TMTC2: variants seen among roughly 807,000 people sequenced by gnomAD.
The protein encoded by TMTC2 is protein O-mannosyl-transferase TMTC2.
Under a neutral mutation model 82.4 loss-of-function variants are expected in TMTC2, and 43 were observed. That is an observed-to-expected ratio of 0.52 (90% CI 0.41 to 0.67). The LOEUF (loss-of-function observed/expected upper bound fraction) is 0.67. Among genes scored for constraint, TMTC2 ranks in the 30% least tolerant of loss-of-function variants. The pLI is 0.00. For synonymous variants in TMTC2, 408 were observed against 381.9 expected, an observed-to-expected ratio of 1.07 and a Z score of -0.80; for missense variants, 919 against 1,012.4, an observed-to-expected ratio of 0.91 and a Z score of 1.25.
intron 1 of TMTC2, among the ~76,000 whole-genome samples, chr12:82,774,788 C>T (rs1159760097): frequency 6.6e-6 from 1 of 151,852 alleles, no homozygotes; most frequent in Non-Finnish European, 1.5e-5. Flanking sequence ...ACACACTTTT[C>T]TCTAAGGGCA....
At chr12:83,094,242 A>T (rs190616201) in intron 11 of TMTC2, among the ~76,000 whole-genome samples, 63 of 152,330 alleles carry the variant, frequency 4.1e-4, no homozygotes, top group Non-Finnish European at 6.5e-4. Context: ...GCCAGAGAAG[A>T]TGTCCTAGGA....
chr12:82,762,603 C>T (rs1282175578), intron 1 of TMTC2, among the ~76,000 whole-genome samples: 1 of 151,886 alleles, frequency 6.6e-6, no homozygotes, highest in African/African-American at 2.4e-5. Flanking sequence ...TATTGTCAAT[C>T]CTGTCATAAA....
At chr12:83,047,284 G>T (rs954518310) in intron 9 of TMTC2, among the ~76,000 whole-genome samples, 3 of 152,124 alleles carry the variant, frequency 2.0e-5, no homozygotes, top group Admixed American at 2.0e-4. Context: ...TCTTATTGTT[G>T]CCCCAATAAC....
chr12:82,758,799 T>C (rs1876468989), intron 1 of TMTC2: 1 of 152,236 alleles, frequency 6.6e-6, no homozygotes, highest in Non-Finnish European at 1.5e-5. Flanking sequence ...TTTAGTTTAG[T>C]TATCCTTTTG....
intron 8 of TMTC2, among the ~76,000 whole-genome samples, chr12:83,014,226 C>T (rs1416077068): frequency 1.3e-5 from 2 of 152,060 alleles, no homozygotes; most frequent in Admixed American, 6.6e-5. Flanking sequence ...GTAGAGGCTC[C>T]ATCTCCTCTC....
At chr12:82,881,166 C>A (rs1405427603) in intron 2 of TMTC2, among the ~76,000 whole-genome samples, 1 of 152,076 alleles carries the variant, frequency 6.6e-6, no homozygotes, top group East Asian at 1.9e-4. Context: ...GTTTTAATGG[C>A]CATCAAAATA....
chr12:83,071,807 A>T (rs956376811), intron 11 of TMTC2, among the ~76,000 whole-genome samples: 2 of 151,878 alleles, frequency 1.3e-5, no homozygotes, highest in Non-Finnish European at 2.9e-5. Context: ...TGTTCATAGT[A>T]GCCTTGTATG....
chr12:82,688,752 GC>G (rs1312247938), intron 1 of TMTC2, among the ~76,000 whole-genome samples: 1 of 152,162 alleles, frequency 6.6e-6, no homozygotes, highest in Non-Finnish European at 1.5e-5. Flanking sequence ...GCCTCTCTGA[GC>G]TATGAAAAGT....
chr12:82,837,932 A>G (rs1870138939), intron 1 of TMTC2, among the ~76,000 whole-genome samples: 1 of 152,212 alleles, frequency 6.6e-6, no homozygotes, highest in Non-Finnish European at 1.5e-5. Flanking sequence ...AGTAGTTCGA[A>G]GATGCAATTT....
intron 7 of TMTC2, among the ~76,000 whole-genome samples, chr12:82,981,542 G>A (rs1018392536): frequency 1.3e-5 from 2 of 151,774 alleles, no homozygotes; most frequent in Admixed American, 6.6e-5. Flanking sequence ...TTCTATCATC[G>A]CACAGCAAAT....
At chr12:82,941,643 T>C (rs567402074) in intron 4 of TMTC2, among the ~76,000 whole-genome samples, 9 of 152,330 alleles carry the variant, frequency 5.9e-5, no homozygotes, top group Admixed American at 2.0e-4. Context: ...TTATCTATTA[T>C]ATATGTCTTT....
At position 83,129,358 on chromosome 12, in the gene TMTC2, A is replaced by C. The variant is rs144030838; in HGVS notation, c.2332-2852A>C. ...GTAACACACTGGTGTGGATAATGCAAAATTAAAGTGATTACAAAAACCCCA... is the reference window on the plus strand; with the variant it reads ...GTAACACACTGGTGTGGATAATGCACAATTAAAGTGATTACAAAAACCCCA... On this transcript the variant is annotated intron_variant, in intron 11 of 11. Coordinates refer to ENST00000321196, the MANE Select transcript of TMTC2 (RefSeq NM_152588.3). 4.8e-3 allele frequency among the ~76,000 whole-genome samples: 730 copies of C among 152,288 alleles called. 4 individuals carry two copies. The highest frequency in any genetic ancestry group is 0.017 in the African/African-American group (703 of 41,566).
intron 1 of TMTC2, among the ~76,000 whole-genome samples, chr12:82,785,856 A>G (rs118089331): frequency 0.023 from 3,451 of 152,146 alleles, 102 homozygotes; most frequent in Middle Eastern, 0.048. Flanking sequence ...GATATTTGTT[A>G]AATAGCTGCT....
chr12:82,988,367 C>G (rs943717087), intron 8 of TMTC2, among the ~76,000 whole-genome samples: 1 of 152,156 alleles, frequency 6.6e-6, no homozygotes, highest in African/African-American at 2.4e-5. Flanking sequence ...ATGGAGGCAG[C>G]TGACACAGAA....
intron 4 of TMTC2, among the ~76,000 whole-genome samples, chr12:82,957,295 C>G (rs529959606): frequency 6.6e-5 from 10 of 152,120 alleles, no homozygotes; most frequent in Admixed American, 5.2e-4. Flanking sequence ...TTTGGGTAAA[C>G]AACGAAATTA....
intron 7 of TMTC2, among the ~76,000 whole-genome samples, chr12:82,984,444 C>T (rs1157415279): frequency 6.6e-6 from 1 of 152,104 alleles, no homozygotes; most frequent in East Asian, 1.9e-4. Flanking sequence ...TTCGTATTTA[C>T]AATGCCATAG....
chr12:82,936,510 AT>A (rs1287558969), intron 4 of TMTC2, among the ~76,000 whole-genome samples: 3 of 152,104 alleles, frequency 2.0e-5, no homozygotes, highest in Admixed American at 1.3e-4. Context: ...AATATAATGG[AT>A]GTAGCACATA....
intron 1 of TMTC2, among the ~76,000 whole-genome samples, chr12:82,752,408 C>T (rs533467655): frequency 6.6e-6 from 1 of 152,074 alleles, no homozygotes; most frequent in Non-Finnish European, 1.5e-5. Context: ...ATCACTTGAA[C>T]TTGGGAGGCA....
At chr12:82,833,560 G>A (rs1008644723) in intron 1 of TMTC2, among the ~76,000 whole-genome samples, 1 of 152,136 alleles carries the variant, frequency 6.6e-6, no homozygotes, top group African/African-American at 2.4e-5. Context: ...GTTGATTCAT[G>A]CTCACAAAAT....
Sources: allele counts gnomAD v4.1 joint callset (sites outside exome capture counted in the v4.1 genomes callset), GRCh38; gene constraint gnomAD v4.1.1; transcripts MANE v1.5; gene names NCBI Gene and HGNC (gene_info 2026-07-23, HGNC 2026-07-21).